Variants in ADPRH observed in about 807,000 individuals in gnomAD.
ADPRH encodes the protein ADP-ribosylarginine hydrolase.
Under a neutral mutation model 28.8 loss-of-function variants are expected in ADPRH, and 27 were observed. The observed-to-expected ratio is 0.94, with a 90% CI of 0.69 to 1.29. The LOEUF is 1.29. ADPRH is among the 50% of genes most tolerant of loss of function. The probability of loss-of-function intolerance (pLI) is 0.00; values close to 1 mark genes in which losing one functional copy is unlikely to be tolerated. For missense variants in ADPRH, 419 were observed against 444.8 expected (o/e 0.94, Z 0.52); for synonymous variants, 161 against 166.9 (o/e 0.96, Z 0.27).
rs113233907 is a variant in ADPRH at position 119,588,877 on chromosome 3, G to A, written c.*999G>A. The stretch of plus-strand genomic sequence containing the variant: ...AGCACAGTGCTTGGGCAGCCAATAG[G>A]CATTAATCAGTATCTATTGAGTGTT... On this transcript the variant is annotated 3_prime_UTR_variant, in exon 5 of 5. Transcript: ENST00000357003. 2 of 152,200 alleles carry A rather than the reference G, an allele frequency of 1.3e-5. No homozygotes were observed. The highest frequency in any genetic ancestry group is 4.8e-5 in the African/African-American group (2 of 41,450). The allele number at this position is 152,200 out of a possible 1,614,324, so 9.4% of individuals were successfully genotyped here.
intron 2 of ADPRH, among the ~76,000 whole-genome samples, chr3:119,581,866 G>A (rs2082407335): frequency 6.6e-6 from 1 of 152,058 alleles, no homozygotes; most frequent in Admixed American, 6.6e-5. Context: ...ACCTATGTTG[G>A]GATCCCAGCC....
At chr3:119,582,077 T>C in intron 2 of ADPRH, 57 bp from the exon 3 acceptor site, 1 of 1,217,844 alleles carries the variant, frequency 8.2e-7, no homozygotes, top group Non-Finnish European at 1.1e-6. Flanking sequence ...AGTCGTTGTT[T>C]TTTCTGATTC....
Position 119,587,679 on chromosome 3 carries a change from T to C in ADPRH, c.875T>C (p.Leu292Pro). The C allele has an allele frequency of 6.2e-7, 1 of 1,614,138 alleles. No individual in the cohort carries two copies. Among genetic ancestry groups the C allele is most frequent in the Non-Finnish European group, 8.5e-7 (1 of 1,180,006 alleles). The change falls in exon 5 of 5, where the codon CTT becomes CCT. Residue 292 changes from leucine (L) to proline (P), a missense_variant. By Grantham distance (98) the Leu-to-Pro change is moderately conservative. Transcript: ENST00000357003. ...GCTGCAGGAGACTCCTGGAAGGAGC[T>C]TGCCCACCGAGCCTTTTTCCATGGT... ...VLAAGDSWKE[L>P]AHRAFFHGGD...
Position 119,586,593 on chromosome 3 carries a change from A to G in ADPRH, c.607A>G (p.Lys203Glu). 4 of 1,614,146 alleles carry G rather than the reference A, an allele frequency of 2.5e-6. No homozygotes were observed. The highest frequency in any genetic ancestry group is 3.4e-6 in the Non-Finnish European group (4 of 1,180,000). The change falls in exon 4 of 5, where the codon AAA (lysine) becomes GAA (glutamate). Residue 203 changes from lysine (K) to glutamate (E), a missense_variant. Coordinates refer to ENST00000357003, the MANE Select transcript of ADPRH (RefSeq NM_001125.4). Reference protein sequence around the residue: ...KGLMELLPEAKKYIVQSGYFV... With the variant: ...KGLMELLPEAEKYIVQSGYFV... The stretch of plus-strand genomic sequence containing the variant: ...ACTGATGGAGCTGCTACCAGAAGCT[A>G]AAAAGTACATTGTCCAATCAGGCTA...
At position 119,587,885 on chromosome 3, in the gene ADPRH, G is replaced by C; in HGVS notation, c.*7G>C. Reference sequence around the variant, plus strand: ...CACTGTAATTTCCCTTTAGGGAGACGTGATGTTCACTTCTGATGGATTCTT... The same window carrying C: ...CACTGTAATTTCCCTTTAGGGAGACCTGATGTTCACTTCTGATGGATTCTT... On this transcript the variant is annotated 3_prime_UTR_variant, in exon 5 of 5. Transcript: ENST00000357003. 6.4e-7 allele frequency: 1 copy of C among 1,568,758 alleles called. No homozygotes were observed. The highest frequency in any genetic ancestry group is 8.6e-7 in the Non-Finnish European group (1 of 1,158,860).
At chr3:119,586,717 G>A in intron 4 of ADPRH, 72 bp downstream of exon 4, 7 of 1,568,400 alleles carry the variant, frequency 4.5e-6, no homozygotes, top group Non-Finnish European at 6.0e-6. Flanking sequence ...GCACATATAT[G>A]TCTTGTATTC....
chr3:119,587,716 T>C lies in ADPRH; in HGVS notation c.912T>C (p.Asp304=), dbSNP rs150177039. 2.4e-5 allele frequency: 38 copies of C among 1,614,062 alleles called. No individual in the cohort carries two copies. Among genetic ancestry groups the C allele is most frequent in the African/African-American group, 1.2e-4 (9 of 74,918 alleles). Residue 304 remains aspartate (D), a synonymous_variant, in exon 5 of 5, where the codon GAT becomes GAC. Coordinates refer to ENST00000357003, the MANE Select transcript of ADPRH (RefSeq NM_001125.4). ...CCTTTTTCCATGGTGGAGACAGTGA[T>C]TCTACAGCTGCCATTGCTGGCTGCT... ...HRAFFHGGDS[D]STAAIAGCWW... is the part of the protein sequence containing the mutation.
At chr3:119,585,784 C>T (rs550695547) in intron 3 of ADPRH, among the ~76,000 whole-genome samples, 45 of 152,272 alleles carry the variant, frequency 3.0e-4, no homozygotes, top group African/African-American at 7.9e-4. Flanking sequence ...CTCCTGACCT[C>T]GTGATCTGCC....
In ADPRH at chr3:119,582,166, A is replaced by C; in HGVS notation, c.-4A>C. 6.4e-7 allele frequency: 1 copy of C among 1,553,790 alleles called. No individual in the cohort carries two copies. The highest frequency in any genetic ancestry group is 1.7e-4 in the Middle Eastern group (1 of 5,770). On this transcript the variant is annotated 5_prime_UTR_variant, in exon 3 of 5. Transcript: ENST00000357003. ...CTCCAGAGCCCAGCAATTGTGAGGG[A>C]CTGATGGAGAAGTATGTGGCTGCTA...
intron 3 of ADPRH, 103 bp from the exon 4 acceptor site, chr3:119,586,179 TCCC>T: frequency 6.5e-7 from 1 of 1,536,038 alleles, no homozygotes; most frequent in African/African-American, 1.4e-5. Context: ...TTTTTGGCTC[TCCC>T]TTTCCATCAA....
rs191687925 is a variant in ADPRH, at chr3:119,589,674, A to G, written c.*1796A>G. 3.0e-4 allele frequency: 45 copies of G among 152,332 alleles called. No individual in the cohort carries two copies. The highest frequency in any genetic ancestry group is 2.9e-3 in the Admixed American group (45 of 15,306). 9.4% of individuals were successfully genotyped at this position (152,332 alleles called of 1,614,324 possible). A position where few individuals can be genotyped will look rare whatever the true frequency, so the allele number is the denominator to read the frequency against. ...AACAACAGGAAAAGGCTCTTTAGAG[A>G]TCCTATTAGATTTGCTTTGCCGATT... On this transcript the variant is annotated 3_prime_UTR_variant, in exon 5 of 5. Coordinates refer to ENST00000357003, the MANE Select transcript of ADPRH (RefSeq NM_001125.4).
Position 119,588,656 on chromosome 3 carries a change from A to G in ADPRH, c.*778A>G, listed in dbSNP as rs2082488130. On this transcript the variant is annotated 3_prime_UTR_variant, in exon 5 of 5. Coordinates refer to ENST00000357003, the MANE Select transcript of ADPRH (RefSeq NM_001125.4). ...TCTGCTAGGCTGGTCTACCTCCTAA[A>G]TATACTCTGAATCTATCACCTCTAT... The G allele has an allele frequency of 6.6e-6, 1 of 152,176 alleles. No homozygotes were observed. The allele number at this position is 152,176 out of a possible 1,614,324, so 9.4% of individuals were successfully genotyped here. A position where few individuals can be genotyped will look rare whatever the true frequency, so the allele number is the denominator to read the frequency against.
chr3:119,586,577 G>A lies in ADPRH; in HGVS notation c.591G>A (p.Glu197=). The A allele has an allele frequency of 6.2e-7, 1 of 1,614,144 alleles. No homozygotes were observed. The change falls in exon 4 of 5, where the codon GAG becomes GAA. Residue 197 remains glutamate, a synonymous_variant. Coordinates refer to ENST00000357003, the MANE Select transcript of ADPRH (RefSeq NM_001125.4). ...TGCAGTGGGGAAAAGGACTGATGGA[G>A]CTGCTACCAGAAGCTAAAAAGTACA... The part of the protein sequence containing the change: ...PPLQWGKGLM[E]LLPEAKKYIV...
In ADPRH at chr3:119,586,770, T is replaced by C; in HGVS notation, c.659+125T>C. On this transcript the variant is annotated intron_variant, in intron 4 of 4. Coordinates refer to ENST00000357003, the MANE Select transcript of ADPRH (RefSeq NM_001125.4). Reference sequence around the variant, plus strand: ...TCATGGTTTTCACCCCCAGCCCCCTTTCTACCCATCTGCTAAGGATTTCAA... The same window carrying C: ...TCATGGTTTTCACCCCCAGCCCCCTCTCTACCCATCTGCTAAGGATTTCAA... The C allele has an allele frequency of 2.2e-6, 3 of 1,360,500 alleles. 1 individual carries two copies. Among genetic ancestry groups the C allele is most frequent in the East Asian group, 4.7e-5 (2 of 42,402 alleles). 84.3% of individuals were successfully genotyped at this position (1,360,500 alleles called of 1,614,324 possible). A position where few individuals can be genotyped will look rare whatever the true frequency, so the allele number is the denominator to read the frequency against.
In ADPRH at chr3:119,579,644, TCCAAGATTAGCTCACTCAGCGCGG is replaced by T. The variant is rs1388942827; in HGVS notation, c.-324_-301del. The T allele has an allele frequency of 1.3e-5, 2 of 152,398 alleles. No individual in the cohort carries two copies. Among genetic ancestry groups the T allele is most frequent in the African/African-American group, 4.8e-5 (2 of 41,472 alleles). 9.4% of individuals were successfully genotyped at this position (152,398 alleles called of 1,614,324 possible). On this transcript the variant is annotated 5_prime_UTR_variant, in exon 1 of 5. Coordinates refer to ENST00000357003, the MANE Select transcript of ADPRH (RefSeq NM_001125.4). ...GGTGCCAGGAAGCCGCCTTGGAGGCTCCAAGATTAGCTCACTCAGCGCGGCCAAGCGCAGGTGCGGGGGCCCTCG... is the reference window on the plus strand; with the variant it reads ...GGTGCCAGGAAGCCGCCTTGGAGGCTCCAAGCGCAGGTGCGGGGGCCCTCG...
chr3:119,582,550 T>TA (rs2082417968), intron 3 of ADPRH, 83 bp downstream of exon 3: 1 of 1,378,024 alleles, frequency 7.3e-7, no homozygotes, highest in East Asian at 2.3e-5. Flanking sequence ...GATGGAGATT[T>TA]AAATAACAGA....
chr3:119,584,364 A>G (rs994873463), intron 3 of ADPRH, among the ~76,000 whole-genome samples: 2 of 151,980 alleles, frequency 1.3e-5, no homozygotes, highest in African/African-American at 4.8e-5. Context: ...GGAGTTTGAG[A>G]CTAGCCTGAC....
In ADPRH at chr3:119,582,468, G is replaced by A; in HGVS notation, c.298+1G>A. The A allele has an allele frequency of 6.2e-7, 1 of 1,610,900 alleles. No individual in the cohort carries two copies. Among genetic ancestry groups the A allele is most frequent in the Non-Finnish European group, 8.5e-7 (1 of 1,177,440 alleles). On this transcript the variant is annotated splice_donor_variant, in intron 3 of 4. Transcript: ENST00000357003. LOFTEE classifies it high-confidence loss of function. ...GAAGACATGGATGGGCGGGCACCAG[G>A]TGAGCACAGCCGGTGGGAGGTGCAA...
At position 119,582,317 on chromosome 3, in the gene ADPRH, AG is replaced by A. The variant is rs1560066856; in HGVS notation, c.150del (p.Arg50SerfsTer9). The A allele has an allele frequency of 6.2e-7, 1 of 1,614,194 alleles. No homozygotes were observed. Among genetic ancestry groups the A allele is most frequent in the Non-Finnish European group, 8.5e-7 (1 of 1,180,030 alleles). Reference protein sequence around the residue: ...LGGLDALDVGRWRVSDDTVMH... With the variant: ...LGGLDALDVGXWRVSDDTVMH... ...CGGCTTGGATGCCCTAGACGTGGGA[AG>A]GTGGAGAGTTAGTGACGACACAGTG... On this transcript the variant is annotated frameshift_variant, in exon 3 of 5. Coordinates refer to ENST00000357003, the MANE Select transcript of ADPRH (RefSeq NM_001125.4). LOFTEE classifies it high-confidence loss of function.
Sources: allele counts gnomAD v4.1 joint callset (sites outside exome capture counted in the v4.1 genomes callset), GRCh38; gene constraint gnomAD v4.1.1; transcripts MANE v1.5; gene names NCBI Gene and HGNC (gene_info 2026-07-23, HGNC 2026-07-21).